Variants in PRKN observed in about 807,000 individuals in gnomAD.
The protein encoded by PRKN is parkin RBR E3 ubiquitin protein ligase, also known as E3 ubiquitin-protein ligase parkin.
In PRKN, 56 loss-of-function variants were observed where a neutral mutation model predicts 59.5. The observed-to-expected ratio is 0.94, with a 90% confidence interval of 0.76 to 1.18. PRKN has a LOEUF of 1.18. PRKN is among the 50% of genes most tolerant of loss of function. The probability of loss-of-function intolerance (pLI) is 0.00; values close to 1 mark genes in which losing one functional copy is unlikely to be tolerated. For missense variants in PRKN, 657 were observed against 596.4 expected (o/e 1.10, Z -1.06); for synonymous variants, 250 against 222.1 (o/e 1.13, Z -1.12).
chr6:161,965,403 T>C (rs914529319), intron 6 of PRKN, among the ~76,000 whole-genome samples: 1 of 152,072 alleles, frequency 6.6e-6, no homozygotes, highest in Admixed American at 6.5e-5. Context: ...GAAGGTTAAT[T>C]TCCGACTAAG....
chr6:161,658,385 C>T (rs1453295047), intron 7 of PRKN, among the ~76,000 whole-genome samples: 1 of 152,178 alleles, frequency 6.6e-6, no homozygotes, highest in Non-Finnish European at 1.5e-5. Context: ...CAATTACCCC[C>T]TCTCAGTCCA....
At position 161,691,544 on chromosome 6, in the gene PRKN, C is replaced by A. The variant is rs1785794203; in HGVS notation, c.871+94228G>T. Among the ~76,000 whole-genome samples, 5 of 152,298 alleles carry A rather than the reference C, an allele frequency of 3.3e-5. No homozygotes were observed. In the South Asian group the frequency reaches 1.0e-3, roughly 32 times the overall value. ...GTTTTTGAATAGAGATTATCTGGAG[C>A]CTGTCTAGGTTATCTGCTCATGCTG... On this transcript the variant is annotated intron_variant, in intron 7 of 11. Coordinates refer to ENST00000366898, the MANE Select transcript of PRKN (RefSeq NM_004562.3).
rs1053659582 is a variant in PRKN, at chr6:161,349,812, C to T, written c.*287G>A. On this transcript the variant is annotated 3_prime_UTR_variant, in exon 12 of 12. Coordinates refer to ENST00000366898, the MANE Select transcript of PRKN (RefSeq NM_004562.3). The surrounding 1 kb of genome is among the most constrained non-coding windows in gnomAD (Gnocchi z 5.5). ...ATTTGTGTCATCCGGAGGCTGAGAA[C>T]GCCTGTTGGTGGTGTCGCAGATGGC... 5 of 519,594 alleles carry T rather than the reference C, an allele frequency of 9.6e-6. No individual in the cohort carries two copies. The highest frequency in any genetic ancestry group is 3.2e-5 in the Admixed American group (1 of 31,222). 32.2% of individuals were successfully genotyped at this position (519,594 alleles called of 1,614,324 possible). A position where few individuals can be genotyped will look rare whatever the true frequency, so the allele number is the denominator to read the frequency against.
At chr6:162,059,164 G>A (rs576523911) in intron 4 of PRKN, among the ~76,000 whole-genome samples, 4 of 152,014 alleles carry the variant, frequency 2.6e-5, no homozygotes, top group Non-Finnish European at 5.9e-5. Context: ...AACAATTCCC[G>A]TAATTGCCAC....
At chr6:162,145,401 T>A (rs184686858) in intron 4 of PRKN, among the ~76,000 whole-genome samples, 44 of 152,328 alleles carry the variant, frequency 2.9e-4, no homozygotes, top group African/African-American at 9.6e-4. Context: ...AAGGACCATC[T>A]CATTATTTTG....
At chr6:162,412,804 A>G (rs2128155405) in intron 2 of PRKN, among the ~76,000 whole-genome samples, 1 of 152,334 alleles carries the variant, frequency 6.6e-6, no homozygotes, top group South Asian at 2.1e-4. Context: ...TATGTTTTGT[A>G]TAAGAAATAC....
intron 1 of PRKN, among the ~76,000 whole-genome samples, chr6:162,642,037 TTTTTG>T (rs1777984307): frequency 6.6e-6 from 1 of 152,222 alleles, no homozygotes; most frequent in African/African-American, 2.4e-5. Flanking sequence ...TTTTTATTTG[TTTTTG>T]TTTTCTTACA....
chr6:161,733,770 GA>G (rs71544915), intron 7 of PRKN, among the ~76,000 whole-genome samples: 19,615 of 102,136 alleles, frequency 0.19, 1,760 homozygotes, highest in Middle Eastern at 0.26. Flanking sequence ...CCCAGGGGGT[GA>G]AAAAAAAAAA....
At position 162,614,876 on chromosome 6, in the gene PRKN, A is replaced by G. The variant is rs570972358; in HGVS notation, c.7+112786T>C. ...ATTTTGAAAAGCAAAGATTATAGGC[A>G]ATGCTCCACACTGTAAATAACAATT... On this transcript the variant is annotated intron_variant, in intron 1 of 11. Transcript: ENST00000366898. 3.9e-5 allele frequency among the ~76,000 whole-genome samples: 6 copies of G among 152,336 alleles called. No individual in the cohort carries two copies. In the East Asian group the frequency reaches 1.2e-3, roughly 29 times the overall value.
intron 3 of PRKN, among the ~76,000 whole-genome samples, chr6:162,252,165 C>G (rs2128096358): frequency 6.6e-6 from 1 of 152,296 alleles, no homozygotes; most frequent in East Asian, 1.9e-4. Flanking sequence ...TCTTTTAGAG[C>G]TGTCACACAT....
At chr6:162,447,018 C>T (rs920721732) in intron 1 of PRKN, among the ~76,000 whole-genome samples, 1 of 152,202 alleles carries the variant, frequency 6.6e-6, no homozygotes, top group Non-Finnish European at 1.5e-5. Context: ...TGACTGTTAG[C>T]TTCCTGATCT....
chr6:161,854,084 TAAAAA>T (rs34040894), intron 6 of PRKN, among the ~76,000 whole-genome samples: 2 of 103,704 alleles, frequency 1.9e-5, no homozygotes, highest in Non-Finnish European at 3.8e-5. Flanking sequence ...TGTTTCTACA[TAAAAA>T]AAAAAAAAAA....
chr6:161,848,207 T>C (rs1348553528), intron 6 of PRKN, among the ~76,000 whole-genome samples: 1 of 152,226 alleles, frequency 6.6e-6, no homozygotes, highest in Non-Finnish European at 1.5e-5. Context: ...TGTATTTTTC[T>C]TTTTGGGTCA....
chr6:161,734,664 T>C (rs2128189517), intron 7 of PRKN, among the ~76,000 whole-genome samples: 1 of 152,058 alleles, frequency 6.6e-6, no homozygotes. Flanking sequence ...CATAGGTGAG[T>C]TTTTAATGCT....
intron 6 of PRKN, among the ~76,000 whole-genome samples, chr6:161,879,113 C>A (rs893260157): frequency 6.6e-6 from 1 of 152,060 alleles, no homozygotes; most frequent in Non-Finnish European, 1.5e-5. Flanking sequence ...TTCACAGCTC[C>A]CCAAGCGATT....
intron 1 of PRKN, among the ~76,000 whole-genome samples, chr6:162,462,090 T>TTA (rs1791205455): frequency 6.6e-6 from 1 of 152,180 alleles, no homozygotes; most frequent in Non-Finnish European, 1.5e-5. Context: ...AGGCAGAGTC[T>TTA]TATATAACTG....
intron 6 of PRKN, among the ~76,000 whole-genome samples, chr6:161,818,724 AATG>A (rs1450584399): frequency 2.0e-5 from 3 of 152,144 alleles, no homozygotes; most frequent in African/African-American, 4.8e-5. Context: ...AGACAGTAGC[AATG>A]ATGTAATTTT....
rs906055908 is a variant in PRKN at position 161,460,392 on chromosome 6, C to A, written c.1084-73515G>T. ...CTGGATAGTCTCAGGCCCAAATATC[C>A]ATTTAGGATCTCTGGAATATAATGG... On this transcript the variant is annotated intron_variant, in intron 9 of 11. Coordinates refer to ENST00000366898, the MANE Select transcript of PRKN (RefSeq NM_004562.3). The surrounding 1 kb of genome is among the most constrained non-coding windows in gnomAD (Gnocchi z 5.0). 1.3e-5 allele frequency among the ~76,000 whole-genome samples: 2 copies of A among 152,062 alleles called. No homozygotes were observed. Among genetic ancestry groups the A allele is most frequent in the Admixed American group, 6.6e-5 (1 of 15,264 alleles).
chr6:162,589,748 C>T (rs1171132458), intron 1 of PRKN, among the ~76,000 whole-genome samples: 3 of 152,156 alleles, frequency 2.0e-5, no homozygotes, highest in East Asian at 3.8e-4. Context: ...TCAATACTTT[C>T]GACCATTACT....
Sources: gnomAD v4.1 joint callset for allele counts (sites outside exome capture counted in the v4.1 genomes callset) on GRCh38, gnomAD v4.1.1 for gene constraint, Gnocchi (gnomAD v3.1) non-coding constraint, MANE v1.5 for transcripts, NCBI Gene and HGNC (gene_info 2026-07-23, HGNC 2026-07-21) for gene names.